The following NDC1 variants were observed in gnomAD, a reference collection of about 807,000 sequenced individuals.
NDC1 encodes the protein nucleoporin NDC1.
In NDC1, 24 loss-of-function variants were observed where a neutral mutation model predicts 89.8. The observed-to-expected ratio is 0.27, with a 90% confidence interval of 0.19 to 0.38. NDC1 has a LOEUF of 0.38. NDC1 is among the 10% of genes least tolerant of loss of function. The pLI is 1.00. For synonymous variants in NDC1, 296 were observed against 284.8 expected (o/e 1.04, Z -0.39); for missense variants, 728 against 797.6 (o/e 0.91, Z 1.05).
At chr1:53,828,393 G>A (rs554610582) in intron 3 of NDC1, among the ~76,000 whole-genome samples, 2 of 152,180 alleles carry the variant, frequency 1.3e-5, no homozygotes, top group South Asian at 4.1e-4. Flanking sequence ...AAAGAATCTA[G>A]AGATGAAACC....
In NDC1 at chr1:53,835,620, C is replaced by T. The variant is rs749799534; in HGVS notation, c.58G>A (p.Val20Ile). Residue 20 changes from valine to isoleucine, a missense_variant and splice_region_variant, in exon 2 of 18, where the codon GTT becomes ATT. Val to Ile is a conservative substitution (Grantham distance 29, BLOSUM62 3). Coordinates refer to ENST00000371429, the MANE Select transcript of NDC1 (RefSeq NM_018087.5). ...CTTGCAACTATCCTCCAGCCCAAAA[C>T]CTATAAACAAAAAGAAAAACCCTCA... is the stretch of plus-strand genomic sequence containing the variant. ...AGRSRDILWR[V>I]LGWRIVASIV... The T allele has an allele frequency of 6.2e-7, 1 of 1,600,964 alleles. No homozygotes were observed. Among genetic ancestry groups the T allele is most frequent in the Non-Finnish European group, 8.5e-7 (1 of 1,176,720 alleles).
intron 16 of NDC1, among the ~76,000 whole-genome samples, chr1:53,780,795 C>G (rs1007317071): frequency 1.3e-5 from 2 of 151,830 alleles, no homozygotes; most frequent in Non-Finnish European, 2.9e-5. Context: ...TAGAACCACA[C>G]ACTAAAAATT....
intron 16 of NDC1, among the ~76,000 whole-genome samples, chr1:53,783,208 G>C (rs1447715678): frequency 6.6e-6 from 1 of 151,932 alleles, no homozygotes; most frequent in Non-Finnish European, 1.5e-5. Context: ...GGAAGTCAAA[G>C]AATTGTGCAG....
intron 16 of NDC1, among the ~76,000 whole-genome samples, chr1:53,781,245 G>C (rs915527761): frequency 1.3e-5 from 2 of 152,028 alleles, no homozygotes; most frequent in Non-Finnish European, 2.9e-5. Flanking sequence ...AAATCCTATG[G>C]ACCTCCAGAG....
intron 16 of NDC1, among the ~76,000 whole-genome samples, chr1:53,777,647 T>G (rs969300556): frequency 2.0e-5 from 3 of 152,184 alleles, no homozygotes; most frequent in Non-Finnish European, 4.4e-5. Context: ...AATCATTGAC[T>G]TTTCTCACTT....
intron 15 of NDC1, among the ~76,000 whole-genome samples, chr1:53,787,878 A>C (rs933295940): frequency 8.6e-5 from 13 of 150,696 alleles, no homozygotes; most frequent in Admixed American, 1.3e-4. Flanking sequence ...AAAAAAAAAA[A>C]AAAAACATGT....
intron 3 of NDC1, among the ~76,000 whole-genome samples, chr1:53,828,579 TTTTA>T (rs975790296): frequency 4.6e-5 from 7 of 151,664 alleles, no homozygotes; most frequent in African/African-American, 1.2e-4. Flanking sequence ...AATACTGACT[TTTTA>T]TTTATTTATT....
At chr1:53,818,243 C>G (rs1648544593) in intron 6 of NDC1, among the ~76,000 whole-genome samples, 2 of 152,010 alleles carry the variant, frequency 1.3e-5, no homozygotes, top group East Asian at 3.9e-4. Flanking sequence ...CCAAGACCAG[C>G]CTGGCCAACA....
At chr1:53,805,421 G>T (rs1648067905) in intron 9 of NDC1, among the ~76,000 whole-genome samples, 1 of 152,064 alleles carries the variant, frequency 6.6e-6, no homozygotes, top group Admixed American at 6.6e-5. Flanking sequence ...TTCCAAGCTG[G>T]TCTTGAACTC....
At chr1:53,827,977 G>C (rs1260259850) in intron 4 of NDC1, 22 bp downstream of exon 4, 1 of 1,554,868 alleles carries the variant, frequency 6.4e-7, no homozygotes, top group African/African-American at 1.4e-5. Context: ...AGATTCCTAA[G>C]GAAATATATA....
At chr1:53,783,290 GA>G (rs987570497) in intron 16 of NDC1, among the ~76,000 whole-genome samples, 4 of 147,334 alleles carry the variant, frequency 2.7e-5, no homozygotes, top group South Asian at 2.2e-4. Context: ...ATGTAGAGTG[GA>G]AAAAAAAAAG....
chr1:53,792,709 T>C (rs1171575256), intron 14 of NDC1, among the ~76,000 whole-genome samples: 1 of 152,180 alleles, frequency 6.6e-6, no homozygotes, highest in Non-Finnish European at 1.5e-5. Context: ...AAAACAGGAA[T>C]CAATCTTTAG....
intron 16 of NDC1, among the ~76,000 whole-genome samples, chr1:53,780,229 C>T (rs1252289202): frequency 2.0e-5 from 3 of 152,112 alleles, no homozygotes; most frequent in African/African-American, 4.8e-5. Flanking sequence ...TCCGCCACCA[C>T]CCCCGGCTAA....
At chr1:53,779,890 G>A (rs1418961118) in intron 16 of NDC1, among the ~76,000 whole-genome samples, 1 of 151,968 alleles carries the variant, frequency 6.6e-6, no homozygotes, top group Non-Finnish European at 1.5e-5. Context: ...AAGGGTCTCT[G>A]GGCCTTCAAA....
At chr1:53,774,942 A>G (rs147559397) in intron 16 of NDC1, among the ~76,000 whole-genome samples, 158 of 152,270 alleles carry the variant, frequency 1.0e-3, no homozygotes, top group African/African-American at 3.7e-3. Flanking sequence ...GAATATAAAC[A>G]CGGCAAATCC....
rs867540922 is a variant in NDC1 at position 53,787,275 on chromosome 1, A to T, written c.1700-17T>A. 1 of 1,447,960 alleles carries T rather than the reference A, an allele frequency of 6.9e-7. No individual in the cohort carries two copies. Among genetic ancestry groups the T allele is most frequent in the Middle Eastern group, 1.8e-4 (1 of 5,436 alleles). The allele number at this position is 1,447,960 out of a possible 1,614,324, so 89.7% of individuals were successfully genotyped here. A position where few individuals can be genotyped will look rare whatever the true frequency, so the allele number is the denominator to read the frequency against. On this transcript the variant is annotated splice_polypyrimidine_tract_variant and intron_variant, in intron 15 of 17. Coordinates refer to ENST00000371429, the MANE Select transcript of NDC1 (RefSeq NM_018087.5). ...GCGACAGACCTCAAGGGAAAAAAAA[A>T]AAAGGTTAAAAGTCAATCAAAATTA... is the stretch of plus-strand genomic sequence containing the variant.
intron 7 of NDC1, among the ~76,000 whole-genome samples, chr1:53,809,345 A>G (rs1210347256): frequency 6.6e-6 from 1 of 152,036 alleles, no homozygotes; most frequent in Non-Finnish European, 1.5e-5. Context: ...TTCATTTTAT[A>G]CCCTATTATT....
chr1:53,828,209 T>C, intron 3 of NDC1, 36 bp from the exon 4 acceptor site: 2 of 1,591,768 alleles, frequency 1.3e-6, no homozygotes, highest in Non-Finnish European at 1.7e-6. Context: ...CTTTATAACC[T>C]ACAGCATATG....
intron 14 of NDC1, among the ~76,000 whole-genome samples, chr1:53,789,786 T>C (rs1489997296): frequency 1.5e-4 from 18 of 121,406 alleles, no homozygotes; most frequent in Non-Finnish European, 2.2e-4. Flanking sequence ...GCAACAAGAG[T>C]GAAACTCCAT....
Sources: allele counts gnomAD v4.1 joint callset (sites outside exome capture counted in the v4.1 genomes callset), GRCh38; gene constraint gnomAD v4.1.1; transcripts MANE v1.5; gene names NCBI Gene and HGNC (gene_info 2026-07-23, HGNC 2026-07-21).